The following NFIB variants were observed in gnomAD, a reference collection of about 807,000 sequenced individuals.
The protein encoded by NFIB is nuclear factor 1 B-type.
NFIB carries 11 observed loss-of-function variants against 61.5 expected under a neutral mutation model. The ratio of observed to expected loss-of-function variants is 0.18; its 90% CI spans 0.11 to 0.30. NFIB has a LOEUF of 0.30. Among genes scored for constraint, NFIB ranks in the 10% least tolerant of loss-of-function variants. NFIB has a pLI of 1.00. For missense variants in NFIB, 471 were observed against 608.9 expected (o/e 0.77, Z 2.38); for synonymous variants, 260 against 216.5 (o/e 1.20, Z -1.76).
chr9:14,298,166 A>G (rs1242156936), intron 2 of NFIB, among the ~76,000 whole-genome samples: 1 of 152,176 alleles, frequency 6.6e-6, no homozygotes, highest in East Asian at 1.9e-4. Flanking sequence ...TAAAGTTACA[A>G]CATTAACTCA....
chr9:14,113,725 C>T (rs1178369655), intron 9 of NFIB, among the ~76,000 whole-genome samples: 2 of 152,146 alleles, frequency 1.3e-5, no homozygotes, highest in Non-Finnish European at 2.9e-5. Flanking sequence ...AGCACACATA[C>T]AAAAATCAAT....
chr9:14,109,942 A>G (rs1258886282), intron 10 of NFIB, among the ~76,000 whole-genome samples: 4 of 152,226 alleles, frequency 2.6e-5, no homozygotes, highest in African/African-American at 4.8e-5. Flanking sequence ...ATTATTATAA[A>G]AAGGAACACA....
At chr9:14,527,426 T>C in the NFIB span, among the ~76,000 whole-genome samples, 8 of 152,326 alleles carry the variant, frequency 5.3e-5, no homozygotes, top group Admixed American at 3.9e-4. Flanking sequence ...TAAGAAAGGA[T>C]ACTGAAAAGA....
intron 2 of NFIB, among the ~76,000 whole-genome samples, chr9:14,200,202 C>T (rs1004987105): frequency 4.6e-5 from 7 of 152,142 alleles, no homozygotes; most frequent in African/African-American, 1.7e-4. Context: ...AGCTTCTCCT[C>T]CTTAAAATAT....
At chr9:14,228,755 G>A (rs1030182929) in intron 2 of NFIB, among the ~76,000 whole-genome samples, 2 of 152,140 alleles carry the variant, frequency 1.3e-5, no homozygotes, top group Non-Finnish European at 2.9e-5. Flanking sequence ...CAGTCCATCT[G>A]AGATGTCTCT....
At chr9:14,407,735 G>A in the NFIB span, among the ~76,000 whole-genome samples, 4 of 152,098 alleles carry the variant, frequency 2.6e-5, no homozygotes, top group Non-Finnish European at 4.4e-5. Flanking sequence ...TGCCCAGGCT[G>A]GAGTGTGGTG....
rs2060387078 is a variant in NFIB, at chr9:14,313,442, G to A, written c.30+40C>T. On this transcript the variant is annotated intron_variant, in intron 1 of 10. Transcript: ENST00000380953. The surrounding 1 kb of genome is among the most constrained non-coding windows in gnomAD (Gnocchi z 4.5). ...AACAAAACAAAACAAAGGCATTTCG[G>A]GCCAGAGAGAAAGCTCGAGAAAGCG... is the stretch of plus-strand genomic sequence containing the variant. 1.2e-6 allele frequency: 2 copies of A among 1,613,066 alleles called. No homozygotes were observed. The highest frequency in any genetic ancestry group is 1.7e-6 in the Non-Finnish European group (2 of 1,179,476).
intron 1 of NFIB, among the ~76,000 whole-genome samples, chr9:14,310,961 A>T (rs910038551): frequency 1.3e-5 from 2 of 152,144 alleles, no homozygotes; most frequent in Non-Finnish European, 2.9e-5. Context: ...ATCATGCAAA[A>T]AATGTACCTA....
At chr9:14,517,937 T>C in the NFIB span, among the ~76,000 whole-genome samples, 1 of 152,192 alleles carries the variant, frequency 6.6e-6, no homozygotes. Context: ...GTGCCTCTGT[T>C]ATGTAGCTCC....
intron 2 of NFIB, among the ~76,000 whole-genome samples, chr9:14,252,725 T>G (rs1022965921): frequency 6.6e-6 from 1 of 152,132 alleles, no homozygotes; most frequent in African/African-American, 2.4e-5. Context: ...GAGAACAAGA[T>G]CACGAGAACA....
upstream of NFIB, among the ~76,000 whole-genome samples, chr9:14,399,580 T>C (rs1281887577): frequency 2.0e-5 from 3 of 152,192 alleles, no homozygotes; most frequent in Admixed American, 2.0e-4. Flanking sequence ...CAAAGAATTA[T>C]AAATAATGAT....
chr9:14,463,906 C>T, the NFIB span, among the ~76,000 whole-genome samples: 1 of 152,064 alleles, frequency 6.6e-6, no homozygotes, highest in African/African-American at 2.4e-5. Context: ...GTGGTCCGAC[C>T]GCCTCGGCCT....
chr9:14,396,526 T>A (rs539619429), intron 1 of NFIB, among the ~76,000 whole-genome samples: 1 of 152,014 alleles, frequency 6.6e-6, no homozygotes, highest in South Asian at 2.1e-4. Flanking sequence ...CTATAAGATA[T>A]CTTAGGACCT....
intron 2 of NFIB, among the ~76,000 whole-genome samples, chr9:14,287,516 C>T (rs1217678070): frequency 2.0e-5 from 3 of 151,828 alleles, no homozygotes; most frequent in African/African-American, 4.8e-5. Flanking sequence ...CTCTGCCTCC[C>T]GGGTTCAAAC....
In NFIB at chr9:14,243,815, A is replaced by G. The variant is rs1587877963; in HGVS notation, c.562+63174T>C. On this transcript the variant is annotated intron_variant, in intron 2 of 10. Coordinates refer to ENST00000380953, the MANE Select transcript of NFIB (RefSeq NM_001190737.2). ...GCTGCATGACATCATGTGGGAGTAA[A>G]ATGACTGAGTGAGCTCAAGCCAGGA... Among the ~76,000 whole-genome samples, 9 of 152,284 alleles carry G rather than the reference A, an allele frequency of 5.9e-5. No individual in the cohort carries two copies. The South Asian group carries it at 1.9e-3, about 32-fold the overall frequency.
chr9:14,115,664 G>A (rs1000988697), intron 9 of NFIB, among the ~76,000 whole-genome samples: 1 of 152,148 alleles, frequency 6.6e-6, no homozygotes, highest in Admixed American at 6.6e-5. Context: ...TAGCTTACAT[G>A]TGCCTAATAC....
At chr9:14,190,438 A>G (rs531116098) in intron 2 of NFIB, among the ~76,000 whole-genome samples, 38 of 152,316 alleles carry the variant, frequency 2.5e-4, no homozygotes, top group African/African-American at 7.7e-4. Flanking sequence ...AAAAAATCAG[A>G]TAAGTCATCT....
chr9:14,132,831 T>C (rs552980747), intron 6 of NFIB, among the ~76,000 whole-genome samples: 52 of 152,300 alleles, frequency 3.4e-4, no homozygotes, highest in Non-Finnish European at 6.6e-4. Context: ...TTTGAAAGTG[T>C]TGAGATTATA....
chr9:14,188,879 G>C (rs1168057314), intron 2 of NFIB, among the ~76,000 whole-genome samples: 1 of 152,150 alleles, frequency 6.6e-6, no homozygotes, highest in Non-Finnish European at 1.5e-5. Context: ...AAATGCTGGT[G>C]AAATAAGAAT....
Sources: allele counts gnomAD v4.1 joint callset (sites outside exome capture counted in the v4.1 genomes callset), GRCh38; gene constraint gnomAD v4.1.1; non-coding constraint Gnocchi (gnomAD v3.1); transcripts MANE v1.5; gene names NCBI Gene and HGNC (gene_info 2026-07-23, HGNC 2026-07-21).